The following ZNF292 variants were observed in gnomAD, a reference collection of about 807,000 sequenced individuals.
The protein encoded by ZNF292 is zinc finger protein 292.
In ZNF292, 26 loss-of-function variants were observed where a neutral mutation model predicts 217.9. That is an observed-to-expected ratio of 0.12 (90% CI 0.09 to 0.17). The LOEUF (loss-of-function observed/expected upper bound fraction) is 0.17, where lower values mean the gene tolerates loss of function less well. ZNF292 is among the 10% of genes least tolerant of loss of function. The pLI is 1.00. For missense variants in ZNF292, 2,904 were observed against 3,175.2 expected (o/e 0.91, Z 2.05); for synonymous variants, 1,257 against 1,124.1 (o/e 1.12, Z -2.37).
intron 4 of ZNF292, chr6:87,223,852 A>C (rs1276278484): frequency 6.6e-6 from 1 of 152,176 alleles, no homozygotes; most frequent in South Asian, 2.1e-4. Flanking sequence ...CCTGGAATCA[A>C]CCGTTTCTCT....
At chr6:87,217,734 G>T (rs567715869) in intron 3 of ZNF292, among the ~76,000 whole-genome samples, 1 of 152,064 alleles carries the variant, frequency 6.6e-6, no homozygotes, top group South Asian at 2.1e-4. Flanking sequence ...TAAAGCACCT[G>T]AACTTTGTTG....
chr6:87,190,739 A>G (rs1395161584), intron 1 of ZNF292, among the ~76,000 whole-genome samples: 2 of 152,078 alleles, frequency 1.3e-5, no homozygotes, highest in African/African-American at 4.8e-5. Context: ...CTCCCAGGAT[A>G]TGTATTTTCA....
In ZNF292 at chr6:87,255,207, G is replaced by C; in HGVS notation, c.1578G>C (p.Glu526Asp). The C allele has an allele frequency of 6.2e-7, 1 of 1,613,844 alleles. No individual in the cohort carries two copies. The highest frequency in any genetic ancestry group is 8.5e-7 in the Non-Finnish European group (1 of 1,179,844). The change falls in exon 8 of 8, where the codon GAG (glutamate) becomes GAC (aspartate). Residue 526 changes from glutamate to aspartate, a missense_variant. Physicochemically the swap from Glu to Asp is conservative, Grantham distance 45 (BLOSUM62 2). Transcript: ENST00000369577. ...QKKREIKQLR[E>D]RGFISARFRN... is the part of the protein sequence containing the mutation. Reference sequence around the variant, plus strand: ...AGAGAGAGATAAAACAGTTAAGAGAGAGGGGATTTATATCTGCTCGGTTTA... The same window carrying C: ...AGAGAGAGATAAAACAGTTAAGAGACAGGGGATTTATATCTGCTCGGTTTA...
chr6:87,239,529 G>A (rs1774118667), intron 5 of ZNF292, among the ~76,000 whole-genome samples: 1 of 151,504 alleles, frequency 6.6e-6, no homozygotes, highest in Non-Finnish European at 1.5e-5. Context: ...TGGCCGGGCG[G>A]GGGCTGCCCC....
intron 1 of ZNF292, among the ~76,000 whole-genome samples, chr6:87,181,407 T>C (rs1361078151): frequency 6.6e-6 from 1 of 152,194 alleles, no homozygotes; most frequent in Admixed American, 6.5e-5. Context: ...TGCTGCTCTC[T>C]GCCGCTCTCC....
At chr6:87,224,853 A>C (rs944430847) in intron 4 of ZNF292, among the ~76,000 whole-genome samples, 1 of 152,098 alleles carries the variant, frequency 6.6e-6, no homozygotes, top group Non-Finnish European at 1.5e-5. Context: ...TTTTGTGTGG[A>C]TGTCAGTTTT....
At chr6:87,250,028 AAAAAAAAAC>A (rs947270202) in intron 7 of ZNF292, among the ~76,000 whole-genome samples, 2 of 139,628 alleles carry the variant, frequency 1.4e-5, no homozygotes, top group South Asian at 2.4e-4. Context: ...ACCCTTAAAA[AAAAAAAAAC>A]AAAAAAAAAA....
intron 1 of ZNF292, among the ~76,000 whole-genome samples, chr6:87,161,617 C>T (rs1770756828): frequency 6.6e-6 from 1 of 152,146 alleles, no homozygotes; most frequent in Non-Finnish European, 1.5e-5. Context: ...GATCTCCCTA[C>T]ATTGCCCAGG....
chr6:87,215,304 CTA>C (rs1562146016), intron 1 of ZNF292, among the ~76,000 whole-genome samples: 2 of 151,942 alleles, frequency 1.3e-5, no homozygotes, highest in Non-Finnish European at 2.9e-5. Flanking sequence ...TAAAAAAACA[CTA>C]TTACAAAAAT....
At chr6:87,242,579 C>T (rs188944907) in intron 5 of ZNF292, among the ~76,000 whole-genome samples, 220 of 152,238 alleles carry the variant, frequency 1.4e-3, no homozygotes, top group Admixed American at 3.3e-3. Context: ...TACGTGAGTG[C>T]TAATGGTCTG....
chr6:87,199,381 G>A (rs1033347267), intron 1 of ZNF292, among the ~76,000 whole-genome samples: 2 of 152,098 alleles, frequency 1.3e-5, no homozygotes, highest in Admixed American at 1.3e-4. Flanking sequence ...ATGTATTCTG[G>A]ATATGAGCCC....
intron 1 of ZNF292, chr6:87,170,492 A>G (rs1233977821): frequency 1.3e-5 from 2 of 152,228 alleles, no homozygotes; most frequent in Non-Finnish European, 2.9e-5. Flanking sequence ...GTTGGCAATA[A>G]ATTGATCAGT....
chr6:87,175,159 A>G (rs1385766867), intron 1 of ZNF292, among the ~76,000 whole-genome samples: 2 of 151,950 alleles, frequency 1.3e-5, no homozygotes, highest in African/African-American at 4.8e-5. Flanking sequence ...CTCTCTTCAG[A>G]TTTTGCCCCT....
intron 1 of ZNF292, chr6:87,169,750 G>T: frequency 2.3e-6 from 1 of 433,716 alleles, no homozygotes; most frequent in Non-Finnish European, 4.6e-6. Context: ...GGGCTCAAGT[G>T]ATCCTCCCAC....
chr6:87,257,159 A>G lies in ZNF292; in HGVS notation c.3530A>G (p.Asn1177Ser). The stretch of plus-strand genomic sequence containing the variant: ...ACATCACAGACCAAAGCCAATGGGA[A>G]TCCTGCTTGTTCGGCCCAGTTGCAG... ...FFTSQTKANG[N>S]PACSAQLQHV... Residue 1177 changes from asparagine to serine, a missense_variant, in exon 8 of 8, where the codon AAT (asparagine) becomes AGT (serine). Asn to Ser is a conservative substitution (Grantham distance 46). Around this residue, in one of 15 missense-constraint regions of ZNF292, gnomAD observed 687 missense variants for 623.0 expected, o/e 1.10. Transcript: ENST00000369577. 1 of 1,613,896 alleles carries G rather than the reference A, an allele frequency of 6.2e-7. No individual in the cohort carries two copies. The highest frequency in any genetic ancestry group is 8.5e-7 in the Non-Finnish European group (1 of 1,179,850).
intron 1 of ZNF292, chr6:87,169,718 C>T: frequency 2.2e-6 from 1 of 444,644 alleles, no homozygotes; most frequent in Non-Finnish European, 4.5e-6. Flanking sequence ...GCCATCAGAG[C>T]TCACTTCAGC....
chr6:87,240,188 A>C lies in ZNF292; in HGVS notation c.742-3287A>C, dbSNP rs562416283. Reference sequence around the variant, plus strand: ...AACACAGCGAAACCCCGTCTCCACCAAAAAAATATGAAAACCAGTCAGGCG... The same window carrying C: ...AACACAGCGAAACCCCGTCTCCACCCAAAAAATATGAAAACCAGTCAGGCG... On this transcript the variant is annotated intron_variant, in intron 5 of 7. Transcript: ENST00000369577. Among the ~76,000 whole-genome samples the C allele has an allele frequency of 2.6e-5, 4 of 152,246 alleles. No individual in the cohort carries two copies. In the East Asian group the frequency reaches 7.8e-4, roughly 30 times the overall value.
Position 87,257,625 on chromosome 6 carries a change from C to T in ZNF292, c.3996C>T (p.Ser1332=). The stretch of plus-strand genomic sequence containing the variant: ...TGAATGTTGCAAATAACTTCAGTAG[C>T]ACCAATGCCCAACAGTCTGCACCTG... The part of the protein sequence containing the change: ...SQVNVANNFS[S]TNAQQSAPEK... The change falls in exon 8 of 8, where the codon AGC becomes AGT. Residue 1332 remains serine, a synonymous_variant. Transcript: ENST00000369577. 1.2e-6 allele frequency: 2 copies of T among 1,608,002 alleles called. No homozygotes were observed. The highest frequency in any genetic ancestry group is 1.3e-5 in the African/African-American group (1 of 74,986).
rs903830007 is a variant in ZNF292 at position 87,246,241 on chromosome 6, A to G, written c.1020+597A>G. Among the ~76,000 whole-genome samples, 10 of 152,346 alleles carry G rather than the reference A, an allele frequency of 6.6e-5. No homozygotes were observed. In the South Asian group the frequency reaches 2.1e-3, roughly 32 times the overall value. ...GCGAGACTCCATCTCAAACAAACAA[A>G]CAAACGAACAAAAAAAGAAATTTTA... On this transcript the variant is annotated intron_variant, in intron 7 of 7. Coordinates refer to ENST00000369577, the MANE Select transcript of ZNF292 (RefSeq NM_015021.3).
Sources: gnomAD v4.1 joint callset for allele counts (sites outside exome capture counted in the v4.1 genomes callset) on GRCh38, gnomAD v4.1.1 for gene constraint, gnomAD v4.1.1 regional missense constraint, MANE v1.5 for transcripts, NCBI Gene and HGNC (gene_info 2026-07-23, HGNC 2026-07-21) for gene names.